Variants in QNG1 observed in about 807,000 individuals in gnomAD.
QNG1 encodes queuosine 5'-phosphate N-glycosylase/hydrolase.
At chr9:83,950,399 T>C in the QNG1 span, among the ~76,000 whole-genome samples, 1 of 152,176 alleles carries the variant, frequency 6.6e-6, no homozygotes, top group Non-Finnish European at 1.5e-5. Context: ...AGAAATCAAA[T>C]GATTTTTGTA....
the QNG1 span, chr9:83,956,285 G>C: frequency 2.2e-5 from 35 of 1,614,030 alleles, no homozygotes; most frequent in Non-Finnish European, 2.6e-5. Flanking sequence ...AGTTGAGCGT[G>C]TCTGTCACGA....
the QNG1 span, among the ~76,000 whole-genome samples, chr9:83,942,912 A>G: frequency 6.6e-6 from 1 of 152,214 alleles, no homozygotes; most frequent in Non-Finnish European, 1.5e-5. Context: ...ACTATGCTGG[A>G]TGATCCCTTC....
chr9:83,952,686 G>C, the QNG1 span, among the ~76,000 whole-genome samples: 2 of 151,516 alleles, frequency 1.3e-5, no homozygotes, highest in Non-Finnish European at 2.9e-5. Flanking sequence ...TCCCAGCTAC[G>C]AGGGAGGCTG....
the QNG1 span, chr9:83,939,738 T>C: frequency 6.2e-7 from 1 of 1,612,868 alleles, no homozygotes; most frequent in Non-Finnish European, 8.5e-7. Context: ...TATGAGAGCA[T>C]TTCTCCTGCA....
At chr9:83,942,538 T>C in the QNG1 span, among the ~76,000 whole-genome samples, 146 of 152,312 alleles carry the variant, frequency 9.6e-4, no homozygotes, top group Middle Eastern at 3.4e-3. Flanking sequence ...GGAAGTACCA[T>C]TGGAAGCCAG....
the QNG1 span, among the ~76,000 whole-genome samples, chr9:83,946,998 G>A: frequency 6.6e-6 from 1 of 151,928 alleles, no homozygotes; most frequent in African/African-American, 2.4e-5. Flanking sequence ...TTGAGCCTGT[G>A]AGGTAGAGGC....
At chr9:83,955,429 G>GTT in the QNG1 span, 1 of 1,614,076 alleles carries the variant, frequency 6.2e-7, no homozygotes, top group East Asian at 2.2e-5. Flanking sequence ...CAACCACCAG[G>GTT]TGCATTAACT....
At chr9:83,941,874 T>C in the QNG1 span, among the ~76,000 whole-genome samples, 2 of 151,406 alleles carry the variant, frequency 1.3e-5, no homozygotes, top group African/African-American at 4.9e-5. Context: ...GATGGCGCCA[T>C]TGCACTGGGC....
At chr9:83,954,297 C>A in the QNG1 span, among the ~76,000 whole-genome samples, 1 of 151,842 alleles carries the variant, frequency 6.6e-6, no homozygotes, top group Non-Finnish European at 1.5e-5. Context: ...ATAAGGAGAA[C>A]ATTACATGGA....
At chr9:83,952,684 A>C in the QNG1 span, among the ~76,000 whole-genome samples, 1 of 151,882 alleles carries the variant, frequency 6.6e-6, no homozygotes, top group African/African-American at 2.4e-5. Flanking sequence ...AGTCCCAGCT[A>C]CGAGGGAGGC....
chr9:83,954,553 G>C, the QNG1 span, among the ~76,000 whole-genome samples: 6 of 151,680 alleles, frequency 4.0e-5, no homozygotes, highest in Non-Finnish European at 8.8e-5. Flanking sequence ...CTGCACTCCA[G>C]CCTGGGAGTC....
chr9:83,943,331 CAAAAAAAAAAAAAAAAA>C, the QNG1 span, among the ~76,000 whole-genome samples: 1,502 of 62,550 alleles, frequency 0.024, 48 homozygotes, highest in African/African-American at 0.073. Context: ...CAGAGCGTCT[CAAAAAAAAAAAAAAAAA>C]AAAAAAAAAA....
At chr9:83,956,139 G>T in the QNG1 span, 104 of 1,603,248 alleles carry the variant, frequency 6.5e-5, no homozygotes, top group African/African-American at 1.2e-3. Context: ...AGGCCGTTAG[G>T]TCCGATGGCA....
the QNG1 span, among the ~76,000 whole-genome samples, chr9:83,941,114 C>T: frequency 4.9e-3 from 739 of 152,288 alleles, 3 homozygotes; most frequent in Non-Finnish European, 7.1e-3. Flanking sequence ...CTCCACTTGG[C>T]GGCTGGACTG....
At chr9:83,947,712 G>A in the QNG1 span, among the ~76,000 whole-genome samples, 2 of 152,180 alleles carry the variant, frequency 1.3e-5, no homozygotes, top group African/African-American at 4.8e-5. Flanking sequence ...ATGGGGTTTC[G>A]CCGTGTTGGC....
At chr9:83,952,828 C>T in the QNG1 span, among the ~76,000 whole-genome samples, 1 of 147,512 alleles carries the variant, frequency 6.8e-6, no homozygotes, top group Non-Finnish European at 1.5e-5. Flanking sequence ...ATTAGCTGTG[C>T]GTGGTAGTGG....
the QNG1 span, among the ~76,000 whole-genome samples, chr9:83,944,363 G>A: frequency 6.6e-6 from 1 of 152,176 alleles, no homozygotes; most frequent in African/African-American, 2.4e-5. Context: ...GCCTAAGGAA[G>A]TGAGTGACTT....
the QNG1 span, among the ~76,000 whole-genome samples, chr9:83,943,067 C>T: frequency 0.025 from 3,827 of 152,120 alleles, 160 homozygotes; most frequent in African/African-American, 0.088. Context: ...AGAAGCTGGG[C>T]GTGGTGGCTC....
At chr9:83,954,722 A>G in the QNG1 span, among the ~76,000 whole-genome samples, 1 of 151,104 alleles carries the variant, frequency 6.6e-6, no homozygotes, top group Non-Finnish European at 1.5e-5. Context: ...TCTACTAAAA[A>G]TACAAAAATT....
Sources: gnomAD v4.1 joint callset for allele counts (sites outside exome capture counted in the v4.1 genomes callset) on GRCh38, gnomAD v4.1.1 for gene constraint, MANE v1.5 for transcripts, NCBI Gene and HGNC (gene_info 2026-07-23, HGNC 2026-07-21) for gene names.